The following LRRC37A2 variants were observed in gnomAD, a reference collection of about 807,000 sequenced individuals.
LRRC37A2 encodes leucine-rich repeat-containing protein 37A2.
A neutral mutation model predicts 68.8 loss-of-function variants in LRRC37A2; 9 were observed. The ratio of observed to expected loss-of-function variants is 0.13; its 90% CI spans 0.08 to 0.23. The LOEUF is 0.23. Among genes scored for constraint, LRRC37A2 ranks in the 10% least tolerant of loss-of-function variants. The pLI is 1.00. For synonymous variants in LRRC37A2, 63 were observed against 367.6 expected (o/e 0.17, Z 9.48); for missense variants, 168 against 950.4 (o/e 0.18, Z 10.82).
chr17:46,768,568 G>A, the LRRC37A2 span: 2 of 1,614,190 alleles, frequency 1.2e-6, no homozygotes, highest in South Asian at 2.2e-5. The surrounding 1 kb of genome is among the most constrained non-coding windows in gnomAD (Gnocchi z 5.0). Flanking sequence ...TAGTAGACCA[G>A]GTCCCTCTCC....
At chr17:46,397,843 T>A in the LRRC37A2 span, among the ~76,000 whole-genome samples, 4 of 25,434 alleles carry the variant, frequency 1.6e-4, no homozygotes, top group African/African-American at 4.6e-4. Flanking sequence ...CATACTTTTT[T>A]AAAAATAATG....
the LRRC37A2 span, among the ~76,000 whole-genome samples, chr17:46,729,178 ATTGTATTTTGTTGTTTTGTAAGTTTT>A: frequency 6.6e-6 from 1 of 152,090 alleles, no homozygotes; most frequent in Non-Finnish European, 1.5e-5. Context: ...AACAATTAGC[ATTGTATTTTGTTGTTTTGTAAGTTTT>A]CCACCATATT....
the LRRC37A2 span, among the ~76,000 whole-genome samples, chr17:46,806,225 T>G: frequency 1.3e-5 from 2 of 148,844 alleles, no homozygotes; most frequent in Non-Finnish European, 3.0e-5. Context: ...TTTTTTTTTT[T>G]TTTGAGACAG....
chr17:46,816,495 A>G, the LRRC37A2 span, among the ~76,000 whole-genome samples: 2 of 151,228 alleles, frequency 1.3e-5, no homozygotes, highest in East Asian at 2.0e-4. Flanking sequence ...ACACACACAC[A>G]CACACACACA....
At chr17:46,503,096 C>T in the LRRC37A2 span, among the ~76,000 whole-genome samples, 7 of 150,314 alleles carry the variant, frequency 4.7e-5, 1 homozygote, top group African/African-American at 1.8e-4. Flanking sequence ...CCTGTAGTCC[C>T]AGCTACTCTG....
At chr17:47,018,865 T>C in the LRRC37A2 span, 26 of 1,519,364 alleles carry the variant, frequency 1.7e-5, no homozygotes, top group South Asian at 1.2e-4. Context: ...CCAGAATCCA[T>C]GACAGAGGTT....
the LRRC37A2 span, chr17:47,018,567 C>T: frequency 6.6e-7 from 1 of 1,520,324 alleles, no homozygotes; most frequent in South Asian, 1.1e-5. Context: ...GCACGGGGGC[C>T]CACATCTGCT....
chr17:47,023,740 G>A, the LRRC37A2 span, among the ~76,000 whole-genome samples: 1 of 151,972 alleles, frequency 6.6e-6, no homozygotes, highest in Non-Finnish European at 1.5e-5. Context: ...AATTACAGGT[G>A]CCCTCCATCA....
chr17:46,953,949 G>A, the LRRC37A2 span, among the ~76,000 whole-genome samples: 1 of 152,152 alleles, frequency 6.6e-6, no homozygotes. Context: ...TTTGTCAGAT[G>A]AGTAGATTGC....
At chr17:46,868,439 C>CA in the LRRC37A2 span, among the ~76,000 whole-genome samples, 126 of 151,596 alleles carry the variant, frequency 8.3e-4, no homozygotes, top group African/African-American at 2.8e-3. Context: ...TAAAAATACA[C>CA]AAAAAAAATA....
the LRRC37A2 span, among the ~76,000 whole-genome samples, chr17:46,983,501 G>A: frequency 5.7e-4 from 86 of 151,926 alleles, 1 homozygote; most frequent in Admixed American, 7.9e-4. Flanking sequence ...CACCATGTTG[G>A]CCAGCTGGTC....
At chr17:47,000,096 TA>T in the LRRC37A2 span, among the ~76,000 whole-genome samples, 1 of 114,822 alleles carries the variant, frequency 8.7e-6, no homozygotes, top group African/African-American at 3.0e-5. Flanking sequence ...TAAAATAAAA[TA>T]AAATAAAATA....
chr17:46,716,653 C>T, the LRRC37A2 span, among the ~76,000 whole-genome samples: 1 of 152,072 alleles, frequency 6.6e-6, no homozygotes, highest in Non-Finnish European at 1.5e-5. Context: ...TGGAGAAAAC[C>T]TTTCTTTTGT....
At chr17:46,897,109 C>T in the LRRC37A2 span, among the ~76,000 whole-genome samples, 7 of 152,286 alleles carry the variant, frequency 4.6e-5, no homozygotes, top group South Asian at 6.2e-4. Context: ...TGCGACCGCT[C>T]GAGTACCAAG....
chr17:46,724,835 C>A, the LRRC37A2 span, among the ~76,000 whole-genome samples: 1 of 151,970 alleles, frequency 6.6e-6, no homozygotes, highest in South Asian at 2.1e-4. Flanking sequence ...TTTTCTTCTT[C>A]TTCTGCCATT....
the LRRC37A2 span, chr17:46,756,821 G>A: frequency 6.6e-6 from 1 of 152,506 alleles, no homozygotes; most frequent in East Asian, 1.9e-4. Flanking sequence ...CTCTCCCTCA[G>A]TCCTTTATTG....
chr17:46,968,839 C>T, the LRRC37A2 span: 1 of 152,250 alleles, frequency 6.6e-6, no homozygotes, highest in Non-Finnish European at 1.5e-5. Flanking sequence ...GCCTTCTAAT[C>T]CTGGGACCTG....
the LRRC37A2 span, among the ~76,000 whole-genome samples, chr17:46,655,805 G>A: frequency 1.1e-3 from 53 of 48,844 alleles, 2 homozygotes; most frequent in Admixed American, 1.3e-3. Flanking sequence ...AAGTCGTAAT[G>A]GCTCCAGGTG....
the LRRC37A2 span, among the ~76,000 whole-genome samples, chr17:46,840,007 CTTTCT>C: frequency 4.0e-5 from 2 of 50,276 alleles, no homozygotes; most frequent in South Asian, 1.0e-3. Context: ...TTTCTTCTTT[CTTTCT>C]TTCTTTCTTT....
Sources: gnomAD v4.1 joint callset for allele counts (sites outside exome capture counted in the v4.1 genomes callset) on GRCh38, gnomAD v4.1.1 for gene constraint, Gnocchi (gnomAD v3.1) non-coding constraint, MANE v1.5 for transcripts, NCBI Gene and HGNC (gene_info 2026-07-23, HGNC 2026-07-21) for gene names.